The following FHOD3 variants were observed in gnomAD, a reference collection of about 807,000 sequenced individuals.
The protein encoded by FHOD3 is FH1/FH2 domain-containing protein 3.
A neutral mutation model predicts 173.0 loss-of-function variants in FHOD3; 90 were observed. The ratio of observed to expected loss-of-function variants is 0.52; its 90% CI spans 0.44 to 0.62. FHOD3 has a LOEUF of 0.62. Ranked by LOEUF, FHOD3 falls within the 20% of genes least tolerant of loss-of-function variation. FHOD3 has a pLI of 0.00. For missense variants in FHOD3, 1,945 were observed against 2,034.7 expected, an observed-to-expected ratio of 0.96 and a Z score of 0.85; for synonymous variants, 828 against 823.0, an observed-to-expected ratio of 1.01 and a Z score of -0.10.
chr18:36,635,596 A>G (rs1380931386), intron 10 of FHOD3, among the ~76,000 whole-genome samples: 1 of 152,216 alleles, frequency 6.6e-6, no homozygotes, highest in African/African-American at 2.4e-5. Flanking sequence ...GGTTTGTAGG[A>G]CAATGACTGG....
chr18:36,411,412 G>A (rs1453084841), intron 3 of FHOD3, among the ~76,000 whole-genome samples: 1 of 152,170 alleles, frequency 6.6e-6, no homozygotes, highest in Non-Finnish European at 1.5e-5. Flanking sequence ...GATCCTGAAT[G>A]AGGAATCAAT....
chr18:36,352,964 TAA>T (rs908515671), intron 1 of FHOD3, among the ~76,000 whole-genome samples: 4 of 152,224 alleles, frequency 2.6e-5, no homozygotes, highest in African/African-American at 9.6e-5. Context: ...CCTGGAAAGA[TAA>T]AGTCTGATTT....
intron 5 of FHOD3, among the ~76,000 whole-genome samples, chr18:36,560,116 G>T (rs573532966): frequency 6.6e-6 from 1 of 152,200 alleles, no homozygotes. Context: ...TGTACCCCTT[G>T]TTGGGTAGAT....
At chr18:36,510,911 C>G (rs914870380) in intron 4 of FHOD3, among the ~76,000 whole-genome samples, 3 of 152,172 alleles carry the variant, frequency 2.0e-5, no homozygotes, top group African/African-American at 7.2e-5. Flanking sequence ...CCCTGAAGAG[C>G]TCTTTCCTGG....
At chr18:36,396,285 T>C (rs1025447129) in intron 3 of FHOD3, among the ~76,000 whole-genome samples, 1 of 152,188 alleles carries the variant, frequency 6.6e-6, no homozygotes, top group East Asian at 1.9e-4. Context: ...ATATATAAAA[T>C]TTTAGGAAAG....
At chr18:36,504,054 G>C (rs1249074788) in intron 4 of FHOD3, among the ~76,000 whole-genome samples, 1 of 152,106 alleles carries the variant, frequency 6.6e-6, no homozygotes, top group Non-Finnish European at 1.5e-5. Context: ...CCTCCTAATT[G>C]AGATTACAGG....
At chr18:36,491,152 C>A (rs936712829) in intron 3 of FHOD3, among the ~76,000 whole-genome samples, 2 of 152,114 alleles carry the variant, frequency 1.3e-5, no homozygotes, top group African/African-American at 4.8e-5. Flanking sequence ...CCTGGGGCTG[C>A]ATGTGTTTGC....
intron 3 of FHOD3, among the ~76,000 whole-genome samples, chr18:36,472,618 G>C (rs566996171): frequency 2.7e-4 from 41 of 152,256 alleles, no homozygotes; most frequent in African/African-American, 9.9e-4. Flanking sequence ...TTCTGTCTCT[G>C]TGCTTTTGCC....
In FHOD3 at chr18:36,709,297, G is replaced by A. The variant is rs780155092; in HGVS notation, c.2439G>A (p.Glu813=). 8.1e-6 allele frequency: 13 copies of A among 1,614,136 alleles called. No individual in the cohort carries two copies. In the Admixed American group the frequency reaches 2.2e-4, roughly 27 times the overall value. The change falls in exon 18 of 29, where the codon GAG becomes GAA. Residue 813 remains glutamate (E), a synonymous_variant. Transcript: ENST00000590592. The part of the protein sequence containing the change: ...EKERQNEGVN[E]RDNCSASSVS... The stretch of plus-strand genomic sequence containing the variant: ...AGAGGCAGAACGAGGGGGTGAACGA[G>A]AGGGACAACTGCTCTGCCTCCAGCG...
At chr18:36,316,485 A>G (rs2044127959) in intron 1 of FHOD3, among the ~76,000 whole-genome samples, 1 of 152,166 alleles carries the variant, frequency 6.6e-6, no homozygotes, top group Admixed American at 6.5e-5. Context: ...TAGCGAGGTC[A>G]CCTCTTGTCC....
chr18:36,370,886 A>G (rs1214083924), intron 2 of FHOD3, among the ~76,000 whole-genome samples: 1 of 152,178 alleles, frequency 6.6e-6, no homozygotes, highest in African/African-American at 2.4e-5. Flanking sequence ...TGGCAAGTCA[A>G]ACAAAAAGCT....
intron 27 of FHOD3, among the ~76,000 whole-genome samples, chr18:36,762,519 G>A (rs1267573062): frequency 1.3e-5 from 2 of 152,118 alleles, no homozygotes; most frequent in Non-Finnish European, 2.9e-5. Flanking sequence ...GGCATCAGCC[G>A]GGCACGGTGG....
At chr18:36,349,045 G>C (rs2045995566) in intron 1 of FHOD3, among the ~76,000 whole-genome samples, 1 of 152,206 alleles carries the variant, frequency 6.6e-6, no homozygotes, top group South Asian at 2.1e-4. Flanking sequence ...GAGTCAACTG[G>C]AAAGTTCTGG....
intron 3 of FHOD3, among the ~76,000 whole-genome samples, chr18:36,445,672 T>C (rs1040557877): frequency 6.6e-6 from 1 of 152,178 alleles, no homozygotes; most frequent in African/African-American, 2.4e-5. Flanking sequence ...AAATGAGCTT[T>C]GCTTTACCTC....
chr18:36,637,728 A>T (rs1160069167), intron 10 of FHOD3, among the ~76,000 whole-genome samples: 3 of 152,236 alleles, frequency 2.0e-5, no homozygotes, highest in Non-Finnish European at 4.4e-5. Flanking sequence ...CATGTGGTAG[A>T]TAGAGGGTTA....
At chr18:36,523,638 G>A (rs1414583314) in intron 5 of FHOD3, among the ~76,000 whole-genome samples, 2 of 152,204 alleles carry the variant, frequency 1.3e-5, no homozygotes, top group African/African-American at 4.8e-5. Flanking sequence ...GTGGCAGTAA[G>A]GTTTCCAACA....
chr18:36,773,746 C>T (rs1196004902), intron 28 of FHOD3, among the ~76,000 whole-genome samples: 5 of 152,132 alleles, frequency 3.3e-5, no homozygotes, highest in Non-Finnish European at 7.3e-5. Context: ...CATCCCGACC[C>T]AACTGTCTGC....
At chr18:36,670,598 A>G (rs1020603186) in intron 14 of FHOD3, among the ~76,000 whole-genome samples, 1 of 152,216 alleles carries the variant, frequency 6.6e-6, no homozygotes, top group African/African-American at 2.4e-5. Flanking sequence ...TATGTGGACT[A>G]TAGTCATAAC....
chr18:36,752,430 G>C (rs2042442394), intron 24 of FHOD3, among the ~76,000 whole-genome samples: 1 of 152,172 alleles, frequency 6.6e-6, no homozygotes, highest in Non-Finnish European at 1.5e-5. Flanking sequence ...AGAGTCAGAT[G>C]ATGGAACAAA....
Sources: gnomAD v4.1 joint callset for allele counts (sites outside exome capture counted in the v4.1 genomes callset) on GRCh38, gnomAD v4.1.1 for gene constraint, MANE v1.5 for transcripts, NCBI Gene and HGNC (gene_info 2026-07-23, HGNC 2026-07-21) for gene names.